ABCF3: variants seen among roughly 807,000 people sequenced by gnomAD.
ABCF3 encodes the protein ATP binding cassette subfamily F member 3.
In ABCF3, 62 loss-of-function variants were observed where a neutral mutation model predicts 94.3. The ratio of observed to expected loss-of-function variants is 0.66; its 90% CI spans 0.54 to 0.81. The LOEUF (loss-of-function observed/expected upper bound fraction) is 0.81. Ranked by LOEUF, ABCF3 falls within the 40% of genes least tolerant of loss-of-function variation. The pLI is 0.00. For missense variants in ABCF3, 843 were observed against 925.3 expected, an observed-to-expected ratio of 0.91 and a Z score of 1.15; for synonymous variants, 355 against 361.1, an observed-to-expected ratio of 0.98 and a Z score of 0.19.
At chr3:184,190,604 C>CT (rs10706036) in intron 14 of ABCF3, 42 of 158,916 alleles carry the variant, frequency 2.6e-4, no homozygotes, top group South Asian at 6.8e-4. Flanking sequence ...CTGTTATTGA[C>CT]TTTTTTTTTT....
At chr3:184,191,406 C>T (rs1027390290) in intron 16 of ABCF3, 151 bp downstream of exon 16, 1 of 1,137,944 alleles carries the variant, frequency 8.8e-7, no homozygotes, top group African/African-American at 1.5e-5. Flanking sequence ...CTTACACTAG[C>T]CCTGTCCTCT....
chr3:184,193,893 C>G lies in ABCF3; in HGVS notation c.*195C>G. On this transcript the variant is annotated 3_prime_UTR_variant, in exon 21 of 21. Coordinates refer to ENST00000429586, the MANE Select transcript of ABCF3 (RefSeq NM_018358.3). The surrounding 1 kb of genome is among the most constrained non-coding windows in gnomAD (Gnocchi z 5.2). ...CATCCAAGGGTTGGTGAGGACTGGT[C>G]TCCCGGGGGTGGGGGTCTGGGGGGT... 1.4e-6 allele frequency: 1 copy of G among 717,230 alleles called. No individual in the cohort carries two copies. The highest frequency in any genetic ancestry group is 2.1e-5 in the South Asian group (1 of 48,122). The allele number at this position is 717,230 out of a possible 1,614,324, so 44.4% of individuals were successfully genotyped here. A position where few individuals can be genotyped will look rare whatever the true frequency, so the allele number is the denominator to read the frequency against.
intron 14 of ABCF3, 84 bp downstream of exon 14, chr3:184,190,015 T>C: frequency 6.9e-7 from 1 of 1,444,648 alleles, no homozygotes; most frequent in Non-Finnish European, 9.6e-7. Flanking sequence ...GCCCTACCAT[T>C]CTAGGTCTCC....
chr3:184,188,997 C>T lies in ABCF3; in HGVS notation c.977+9C>T. On this transcript the variant is annotated intron_variant, in intron 9 of 20. Coordinates refer to ENST00000429586, the MANE Select transcript of ABCF3 (RefSeq NM_018358.3). ...CAGCAGCAGCCCACCCGGTGAGTGA[C>T]CCTTGCCATTCTTGGCTTTGAACCC... The T allele has an allele frequency of 4.3e-6, 7 of 1,614,264 alleles. No homozygotes were observed. Among genetic ancestry groups the T allele is most frequent in the Non-Finnish European group, 5.9e-6 (7 of 1,180,042 alleles).
intron 7 of ABCF3, 42 bp from the exon 8 acceptor site, chr3:184,188,719 A>G: frequency 6.3e-7 from 1 of 1,596,512 alleles, no homozygotes; most frequent in East Asian, 2.2e-5. Context: ...ATCCTCCTAG[A>G]CTGCCCCTGC....
intron 7 of ABCF3, 45 bp downstream of exon 7, chr3:184,188,452 A>G (rs377538559): frequency 1.9e-6 from 3 of 1,575,784 alleles, no homozygotes; most frequent in Non-Finnish European, 2.6e-6. Flanking sequence ...GCTGTCGCTT[A>G]CAGAGCGCCT....
At position 184,187,877 on chromosome 3, in the gene ABCF3, TCAGC is replaced by T. The variant is rs1715742496; in HGVS notation, c.471_474del (p.Ser157ArgfsTer41). ...CCTTTAAAGAGTCTTAGAAGAGGCATCAGCCAGCCAGGCAGGCAGCAGAAAGGAG... is the reference window on the plus strand; with the variant it reads ...CCTTTAAAGAGTCTTAGAAGAGGCATCAGCCAGGCAGGCAGCAGAAAGGAG... On this transcript the variant is annotated frameshift_variant, in exon 6 of 21. Transcript: ENST00000429586. LOFTEE classifies it high-confidence loss of function. 2 of 1,614,118 alleles carry T rather than the reference TCAGC, an allele frequency of 1.2e-6. No homozygotes were observed. Among genetic ancestry groups the T allele is most frequent in the Admixed American group, 1.7e-5 (1 of 60,008 alleles).
At position 184,193,077 on chromosome 3, in the gene ABCF3, C is replaced by A. The variant is rs761084655; in HGVS notation, c.1751-25C>A. The A allele has an allele frequency of 6.5e-7, 1 of 1,534,814 alleles. No homozygotes were observed. Among genetic ancestry groups the A allele is most frequent in the Non-Finnish European group, 8.8e-7 (1 of 1,141,716 alleles). On this transcript the variant is annotated intron_variant, in intron 18 of 20. Coordinates refer to ENST00000429586, the MANE Select transcript of ABCF3 (RefSeq NM_018358.3). This position sits in a 1 kb window ranked among gnomAD's most constrained non-coding sequence, Gnocchi z 5.2. ...GGGAGGGTGTTGGGCCAAGAAGCCA[C>A]CTGATCTGGGGAGTCCTTTTCCAGG...
rs763596291 is a variant in ABCF3, at chr3:184,188,348, T to C, written c.777T>C (p.Ser259=). 6.2e-6 allele frequency: 10 copies of C among 1,613,834 alleles called. No homozygotes were observed. Among genetic ancestry groups the C allele is most frequent in the Non-Finnish European group, 7.6e-6 (9 of 1,179,986 alleles). The change falls in exon 7 of 21, where the codon AGT becomes AGC. Residue 259 remains serine, a synonymous_variant. Coordinates refer to ENST00000429586, the MANE Select transcript of ABCF3 (RefSeq NM_018358.3). The part of the protein sequence containing the change: ...PALQSVLESD[S]VREDLLRRER... ...TGCAGAGTGTGCTGGAGAGTGACAG[T>C]GTGCGAGAGGATTTGCTACGGAGGG...
chr3:184,190,052 C>T lies in ABCF3; in HGVS notation c.1391+121C>T, dbSNP rs9877367. The T allele has an allele frequency of 3.4e-3, 3,493 of 1,042,362 alleles. 75 individuals are homozygous for T. In the African/African-American group the frequency reaches 0.048, roughly 14 times the overall value. The allele number at this position is 1,042,362 out of a possible 1,614,324, so 64.6% of individuals were successfully genotyped here. ...CTTCGCTAGAAGCCAACTGTGACTTCCTCCTCTGCTGGGAAGCAGAGTATT... is the reference window on the plus strand; with the variant it reads ...CTTCGCTAGAAGCCAACTGTGACTTTCTCCTCTGCTGGGAAGCAGAGTATT... On this transcript the variant is annotated intron_variant, in intron 14 of 20. Coordinates refer to ENST00000429586, the MANE Select transcript of ABCF3 (RefSeq NM_018358.3).
chr3:184,189,296 AC>A lies in ABCF3; in HGVS notation c.1057+22del, dbSNP rs1346731300. 4.3e-6 allele frequency: 7 copies of A among 1,613,956 alleles called. No individual in the cohort carries two copies. Among genetic ancestry groups the A allele is most frequent in the Non-Finnish European group, 4.2e-6 (5 of 1,179,974 alleles). On this transcript the variant is annotated intron_variant, in intron 11 of 20. Transcript: ENST00000429586. ...TTAGATGGTGAGTTTGAAATGGGGC[AC>A]CCTGACTTTAGGATGGGCAGGGGTG...
In ABCF3 at chr3:184,193,493, G is replaced by T; in HGVS notation, c.1971+41G>T. The T allele has an allele frequency of 6.2e-7, 1 of 1,614,102 alleles. No individual in the cohort carries two copies. The highest frequency in any genetic ancestry group is 8.5e-7 in the Non-Finnish European group (1 of 1,180,004). On this transcript the variant is annotated intron_variant, in intron 20 of 20. Transcript: ENST00000429586. This position sits in a 1 kb window ranked among gnomAD's most constrained non-coding sequence, Gnocchi z 5.2. ...CCCTGACCACTCCTCCCAGGCCTCG[G>T]TGCCTCTTGTGTCCCCCTGAGCACC...
chr3:184,193,168 G>C lies in ABCF3; in HGVS notation c.1817G>C (p.Arg606Pro). 1 of 1,569,020 alleles carries C rather than the reference G, an allele frequency of 6.4e-7. No homozygotes were observed. Among genetic ancestry groups the C allele is most frequent in the East Asian group, 2.2e-5 (1 of 44,536 alleles). The change falls in exon 19 of 21, where the codon CGT becomes CCT. Residue 606 changes from arginine to proline, a missense_variant. Physicochemically the swap from Arg to Pro is moderately radical, Grantham distance 103. Coordinates refer to ENST00000429586, the MANE Select transcript of ABCF3 (RefSeq NM_018358.3). The surrounding 1 kb of genome is among the most constrained non-coding windows in gnomAD (Gnocchi z 5.2). ...RYGISGELAM[R>P]PLASLSGGQK... ...GGCATCTCCGGAGAACTGGCCATGCGTCCTCTTGCCAGCCTGTCTGGGGGC... is the reference window on the plus strand; with the variant it reads ...GGCATCTCCGGAGAACTGGCCATGCCTCCTCTTGCCAGCCTGTCTGGGGGC...
chr3:184,188,068 G>A, intron 6 of ABCF3, 73 bp from the exon 7 acceptor site: 2 of 1,611,444 alleles, frequency 1.2e-6, no homozygotes, highest in Non-Finnish European at 1.7e-6. Flanking sequence ...TATAAACAAT[G>A]TTAGGTTTGT....
chr3:184,190,367 G>A (rs1482739133), intron 14 of ABCF3: 1 of 196,498 alleles, frequency 5.1e-6, no homozygotes, highest in African/African-American at 2.4e-5. Flanking sequence ...TTTCCATTTT[G>A]GTTATTATGA....
At position 184,193,993 on chromosome 3, in the gene ABCF3, C is replaced by A. The variant is rs1035645488; in HGVS notation, c.*295C>A. On this transcript the variant is annotated 3_prime_UTR_variant, in exon 21 of 21. Coordinates refer to ENST00000429586, the MANE Select transcript of ABCF3 (RefSeq NM_018358.3). The surrounding 1 kb of genome is among the most constrained non-coding windows in gnomAD (Gnocchi z 5.2). ...CAAGTGGCTGCTATGTAAATTAAATCTCTCCCCGCGTCTCCTTTGCCTCAT... is the reference window on the plus strand; with the variant it reads ...CAAGTGGCTGCTATGTAAATTAAATATCTCCCCGCGTCTCCTTTGCCTCAT... 3.9e-5 allele frequency: 14 copies of A among 358,142 alleles called. No individual in the cohort carries two copies. Among genetic ancestry groups the A allele is most frequent in the Non-Finnish European group, 6.6e-5 (13 of 196,454 alleles). 22.2% of individuals were successfully genotyped at this position (358,142 alleles called of 1,614,324 possible). A position where few individuals can be genotyped will look rare whatever the true frequency, so the allele number is the denominator to read the frequency against.
intron 1 of ABCF3, 74 bp downstream of exon 1, chr3:184,186,354 C>A: frequency 6.2e-7 from 1 of 1,604,390 alleles, no homozygotes. Flanking sequence ...AGCGTCGTGC[C>A]CGGGACTGTT....
chr3:184,191,906 A>G (rs567479893), intron 16 of ABCF3, among the ~76,000 whole-genome samples: 1 of 151,888 alleles, frequency 6.6e-6, no homozygotes, highest in Admixed American at 6.6e-5. Flanking sequence ...CACCATGCCC[A>G]GCTAATTTTT....
chr3:184,192,463 T>C (rs1577070137), intron 16 of ABCF3, 138 bp from the exon 17 acceptor site: 2 of 830,904 alleles, frequency 2.4e-6, no homozygotes, highest in Non-Finnish European at 3.7e-6. Context: ...TCCCCCCTTA[T>C]CCTTCCCAGC....
Sources: allele counts gnomAD v4.1 joint callset (sites outside exome capture counted in the v4.1 genomes callset), GRCh38; gene constraint gnomAD v4.1.1; non-coding constraint Gnocchi (gnomAD v3.1); transcripts MANE v1.5; gene names NCBI Gene and HGNC (gene_info 2026-07-23, HGNC 2026-07-21).